The following CRPPA variants were observed in gnomAD, a reference collection of about 807,000 sequenced individuals.
CRPPA encodes D-ribitol-5-phosphate cytidylyltransferase.
CRPPA carries 43 observed loss-of-function variants against 52.0 expected under a neutral mutation model. The ratio of observed to expected loss-of-function variants is 0.83; its 90% CI spans 0.65 to 1.07. The LOEUF (loss-of-function observed/expected upper bound fraction) is 1.07, where lower values mean the gene tolerates loss of function less well. CRPPA is among the 50% of genes least tolerant of loss of function. CRPPA has a pLI of 0.00. For missense variants in CRPPA, 629 were observed against 551.7 expected (o/e 1.14, Z -1.40); for synonymous variants, 250 against 203.5 (o/e 1.23, Z -1.94).
intron 3 of CRPPA, among the ~76,000 whole-genome samples, chr7:16,332,423 A>G (rs541867779): frequency 1.8e-4 from 28 of 152,288 alleles, no homozygotes; most frequent in Admixed American, 1.7e-3. Flanking sequence ...TTTGTTCAAA[A>G]TAACAGCAAA....
intron 3 of CRPPA, among the ~76,000 whole-genome samples, chr7:16,340,913 C>A (rs1218513497): frequency 6.6e-6 from 1 of 152,052 alleles, no homozygotes; most frequent in Non-Finnish European, 1.5e-5. Flanking sequence ...AATGGAATAT[C>A]ATTTACTTCT....
rs111428759 is a variant in CRPPA at position 16,291,145 on chromosome 7, T to C, written c.835+10276A>G. ...AAAAATAACAAATGCTGCAAGAGGA[T>C]GCAGAAGAGAGGGAACTCTTATACG... On this transcript the variant is annotated intron_variant, in intron 5 of 9. Coordinates refer to ENST00000407010, the MANE Select transcript of CRPPA (RefSeq NM_001101426.4). 5.2e-3 allele frequency among the ~76,000 whole-genome samples: 785 copies of C among 152,120 alleles called. 3 individuals carry two copies. Among genetic ancestry groups the C allele is most frequent in the Middle Eastern group, 0.014 (4 of 294 alleles).
At chr7:16,311,320 A>G (rs186608269) in intron 3 of CRPPA, among the ~76,000 whole-genome samples, 67 of 152,236 alleles carry the variant, frequency 4.4e-4, no homozygotes, top group African/African-American at 1.4e-3. Flanking sequence ...AGTGAAATTT[A>G]TCTGTGTACT....
intron 1 of CRPPA, among the ~76,000 whole-genome samples, chr7:16,418,035 G>C (rs532247561): frequency 6.6e-6 from 1 of 152,090 alleles, no homozygotes; most frequent in Non-Finnish European, 1.5e-5. Context: ...ATTTGAATTT[G>C]TATAAATTAT....
At chr7:16,254,097 G>A (rs566299717) in intron 8 of CRPPA, among the ~76,000 whole-genome samples, 162 of 152,296 alleles carry the variant, frequency 1.1e-3, no homozygotes, top group Non-Finnish European at 4.3e-4. Context: ...AACAGATGCC[G>A]GAGAGGATGT....
chr7:16,178,073 A>AG (rs904086153), intron 9 of CRPPA, among the ~76,000 whole-genome samples: 2 of 151,932 alleles, frequency 1.3e-5, no homozygotes, highest in Non-Finnish European at 2.9e-5. Flanking sequence ...AAAAAAAAAA[A>AG]AGAGAAAAAT....
In CRPPA at chr7:16,282,254, G is replaced by C. The variant is rs1784335320; in HGVS notation, c.836-4028C>G. On this transcript the variant is annotated intron_variant, in intron 5 of 9. Transcript: ENST00000407010. ...CTCAATTTAAATGACTTCATATTTA[G>C]TTTAAAATATTTCATTCCTTTTCAC... is the stretch of plus-strand genomic sequence containing the variant. 2.6e-5 allele frequency among the ~76,000 whole-genome samples: 4 copies of C among 152,066 alleles called. No individual in the cohort carries two copies. The South Asian group carries it at 8.3e-4, about 32-fold the overall frequency.
chr7:16,155,427 G>GT, intron 9 of CRPPA, among the ~76,000 whole-genome samples: 1 of 152,118 alleles, frequency 6.6e-6, no homozygotes, highest in Non-Finnish European at 1.5e-5. Context: ...ACCCAAGGAT[G>GT]TTTTTTCAAT....
At chr7:16,205,315 T>C (rs768578381) in intron 9 of CRPPA, among the ~76,000 whole-genome samples, 1 of 152,154 alleles carries the variant, frequency 6.6e-6, no homozygotes, top group Non-Finnish European at 1.5e-5. Flanking sequence ...CATGTTCTCA[T>C]GATGTTGCTG....
chr7:16,092,193 G>C (rs1781851147), intron 9 of CRPPA, among the ~76,000 whole-genome samples: 1 of 152,074 alleles, frequency 6.6e-6, no homozygotes, highest in Admixed American at 6.6e-5. Flanking sequence ...CTGTTTGTGA[G>C]TACCGGTATA....
chr7:16,317,129 C>T (rs1450225135), intron 3 of CRPPA, among the ~76,000 whole-genome samples: 1 of 152,136 alleles, frequency 6.6e-6, no homozygotes, highest in African/African-American at 2.4e-5. Context: ...GGCACCATTA[C>T]CAATTGATTA....
chr7:16,380,402 T>C (rs1001952133), intron 2 of CRPPA, among the ~76,000 whole-genome samples: 4 of 152,204 alleles, frequency 2.6e-5, no homozygotes, highest in Admixed American at 1.3e-4. Context: ...CGGTATTTTA[T>C]TGAGGATTTT....
chr7:16,094,609 T>C (rs1781900184), intron 9 of CRPPA, among the ~76,000 whole-genome samples: 1 of 152,076 alleles, frequency 6.6e-6, no homozygotes, highest in Non-Finnish European at 1.5e-5. Context: ...ATACACATTA[T>C]TTTGTGAGTT....
At chr7:16,312,891 G>C (rs367696223) in intron 3 of CRPPA, among the ~76,000 whole-genome samples, 31 of 152,044 alleles carry the variant, frequency 2.0e-4, no homozygotes, top group African/African-American at 7.5e-4. Context: ...GATTTTGAAA[G>C]TTGAACCAGT....
chr7:16,223,258 G>T (rs2128400810), intron 8 of CRPPA, among the ~76,000 whole-genome samples: 1 of 152,214 alleles, frequency 6.6e-6, no homozygotes, highest in Middle Eastern at 3.4e-3. Context: ...TTAACTTTTT[G>T]AACTACAGAA....
Position 16,301,449 on chromosome 7 carries a change from A to T in CRPPA, c.807T>A (p.Asp269Glu), listed in dbSNP as rs1482055718. ...PDLWKVTYKR[D>E]LYAAESIIKE... ...TAATAATCGATTCAGCCGCATAGAG[A>T]TCTCGTTTGTAGGTCACCTAAAGGA... Residue 269 changes from aspartate to glutamate, a missense_variant, in exon 5 of 10, where the codon GAT (aspartate) becomes GAA (glutamate). Physicochemically the swap from Asp to Glu is conservative, Grantham distance 45 (BLOSUM62 2). Coordinates refer to ENST00000407010, the MANE Select transcript of CRPPA (RefSeq NM_001101426.4). 1.2e-6 allele frequency: 2 copies of T among 1,612,802 alleles called. No homozygotes were observed. Among genetic ancestry groups the T allele is most frequent in the South Asian group, 1.1e-5 (1 of 90,738 alleles).
intron 2 of CRPPA, among the ~76,000 whole-genome samples, chr7:16,377,078 A>G (rs1786910518): frequency 6.6e-6 from 1 of 152,238 alleles, no homozygotes; most frequent in Non-Finnish European, 1.5e-5. Flanking sequence ...TTAGTGCACA[A>G]GTAAAACAAA....
chr7:16,199,983 G>A (rs1781815266), intron 9 of CRPPA, among the ~76,000 whole-genome samples: 1 of 150,884 alleles, frequency 6.6e-6, no homozygotes, highest in Non-Finnish European at 1.5e-5. Context: ...TCTGCCTGCT[G>A]AGTAGCTGGG....
In CRPPA at chr7:16,322,065, A is replaced by G. The variant is rs528765772; in HGVS notation, c.685-13438T>C. ...CTCAATTTTGGACTTTTAGCCTCCA[A>G]AATGCGAGATAATACATTCCTGATT... On this transcript the variant is annotated intron_variant, in intron 3 of 9. Coordinates refer to ENST00000407010, the MANE Select transcript of CRPPA (RefSeq NM_001101426.4). Among the ~76,000 whole-genome samples the G allele has an allele frequency of 2.0e-5, 3 of 152,286 alleles. No individual in the cohort carries two copies. In the East Asian group the frequency reaches 5.8e-4, roughly 29 times the overall value.
Sources: allele counts gnomAD v4.1 joint callset (sites outside exome capture counted in the v4.1 genomes callset), GRCh38; gene constraint gnomAD v4.1.1; transcripts MANE v1.5; gene names NCBI Gene and HGNC (gene_info 2026-07-23, HGNC 2026-07-21).